PRDM16: variants seen among roughly 807,000 people sequenced by gnomAD.
PRDM16 encodes the protein PR/SET domain 16.
Under a neutral mutation model 110.6 loss-of-function variants are expected in PRDM16, and 23 were observed. That is an observed-to-expected ratio of 0.21 (90% confidence interval 0.15 to 0.29). PRDM16 has a LOEUF of 0.29. Ranked by LOEUF, PRDM16 falls within the 10% of genes least tolerant of loss-of-function variation. The pLI, the probability that PRDM16 is intolerant of heterozygous loss-of-function variation, is 1.00. For missense variants in PRDM16, 1,615 were observed against 1,794.3 expected (o/e 0.90, Z 1.81); for synonymous variants, 799 against 781.8 (o/e 1.02, Z -0.37).
rs1024895885 is a variant in PRDM16 at position 3,080,123 on chromosome 1, C to G, written c.37+10827C>G. Among the ~76,000 whole-genome samples, 7 of 152,194 alleles carry G rather than the reference C, an allele frequency of 4.6e-5. No homozygotes were observed. Among genetic ancestry groups the G allele is most frequent in the Non-Finnish European group, 8.8e-5 (6 of 68,042 alleles). On this transcript the variant is annotated intron_variant, in intron 1 of 16. Coordinates refer to ENST00000270722, the MANE Select transcript of PRDM16 (RefSeq NM_022114.4). This position sits in a 1 kb window ranked among gnomAD's most constrained non-coding sequence, Gnocchi z 5.2. ...CCCCTGAGAAGAAACAAAGAGGAAACGAGGCTGTTTAGATAATCCCGGGCC... is the reference window on the plus strand; with the variant it reads ...CCCCTGAGAAGAAACAAAGAGGAAAGGAGGCTGTTTAGATAATCCCGGGCC...
chr1:3,395,004 C>G (rs1366807246), intron 4 of PRDM16, among the ~76,000 whole-genome samples: 1 of 152,230 alleles, frequency 6.6e-6, no homozygotes, highest in African/African-American at 2.4e-5. Flanking sequence ...TCACACACTA[C>G]TGACAGAGGC....
chr1:3,094,722 C>A (rs2981874), intron 1 of PRDM16, among the ~76,000 whole-genome samples: 1 of 152,096 alleles, frequency 6.6e-6, no homozygotes, highest in Admixed American at 6.5e-5. Flanking sequence ...GCCCAGCAAG[C>A]AGTGTCAGTG....
rs775922979 is a variant in PRDM16 at position 3,186,447 on chromosome 1, G to C, written c.360G>C (p.Ala120=). 1.9e-6 allele frequency: 3 copies of C among 1,548,274 alleles called. No homozygotes were observed. Among genetic ancestry groups the C allele is most frequent in the Non-Finnish European group, 2.6e-6 (3 of 1,148,786 alleles). The stretch of plus-strand genomic sequence containing the variant: ...CCTGCGTGGTGGTGCCCCGGGCGGC[G>C]GCAAAGGAGACAGACTTCGGATGGG... ...LGPCVVVPRA[A]AKETDFGWEQ... The change falls in exon 2 of 17, where the codon GCG becomes GCC. Residue 120 remains alanine, a synonymous_variant. Transcript: ENST00000270722.
chr1:3,116,827 T>G (rs978570378), intron 1 of PRDM16, among the ~76,000 whole-genome samples: 2 of 152,170 alleles, frequency 1.3e-5, no homozygotes, highest in African/African-American at 4.8e-5. Context: ...GGCTTGGAGC[T>G]CCGTGTGCCC....
chr1:3,323,128 G>A (rs893015144), intron 3 of PRDM16, among the ~76,000 whole-genome samples: 11 of 152,184 alleles, frequency 7.2e-5, no homozygotes, highest in African/African-American at 2.2e-4. Flanking sequence ...GAAGCCATAC[G>A]CTATTGTCAC....
At chr1:3,156,241 CTCCCG>C (rs1336776985) in intron 1 of PRDM16, among the ~76,000 whole-genome samples, 1 of 152,178 alleles carries the variant, frequency 6.6e-6, no homozygotes, top group Non-Finnish European at 1.5e-5. Flanking sequence ...GTCTGCAGGG[CTCCCG>C]GGCAGCAGGA....
At chr1:3,161,449 C>T (rs1006439677) in intron 1 of PRDM16, among the ~76,000 whole-genome samples, 3 of 152,114 alleles carry the variant, frequency 2.0e-5, no homozygotes, top group Non-Finnish European at 4.4e-5. Flanking sequence ...CGGGCAATGG[C>T]GTGAGGAGAT....
chr1:3,332,225 G>T (rs1442218528), intron 3 of PRDM16, among the ~76,000 whole-genome samples: 2 of 152,284 alleles, frequency 1.3e-5, no homozygotes, highest in African/African-American at 4.8e-5. Context: ...AAGTGGTAAT[G>T]AGATTCTGCC....
intron 1 of PRDM16, among the ~76,000 whole-genome samples, chr1:3,158,159 C>G (rs541497670): frequency 1.3e-5 from 2 of 152,162 alleles, no homozygotes; most frequent in Non-Finnish European, 1.5e-5. Context: ...CAAACACACC[C>G]GCTTGCCACC....
At chr1:3,263,909 C>T (rs961645821) in intron 3 of PRDM16, among the ~76,000 whole-genome samples, 17 of 152,176 alleles carry the variant, frequency 1.1e-4, no homozygotes, top group Non-Finnish European at 1.6e-4. Flanking sequence ...CTTCAGTCGA[C>T]GCCTCTTGGA....
intron 3 of PRDM16, among the ~76,000 whole-genome samples, chr1:3,278,352 A>G (rs16823763): frequency 0.057 from 8,618 of 152,246 alleles, 461 homozygotes; most frequent in East Asian, 0.19. Flanking sequence ...ACCTAGGCCT[A>G]ATACTGTCTG....
intron 8 of PRDM16, among the ~76,000 whole-genome samples, chr1:3,409,826 T>TTGTGG (rs1643643968): frequency 7.3e-6 from 1 of 136,842 alleles, no homozygotes; most frequent in African/African-American, 2.8e-5. Flanking sequence ...TGTGTGTGGT[T>TTGTGG]GTGTGTGGGT....
chr1:3,278,995 G>GTGTCTGTCATCGTCAGCCC (rs1640651587), intron 3 of PRDM16, among the ~76,000 whole-genome samples: 1 of 152,100 alleles, frequency 6.6e-6, no homozygotes, highest in Non-Finnish European at 1.5e-5. Flanking sequence ...CGTGTGCTCC[G>GTGTCTGTCATCGTCAGCCC]TGTCTGTCAT....
chr1:3,376,722 C>G (rs981085246), intron 3 of PRDM16, among the ~76,000 whole-genome samples: 1 of 152,128 alleles, frequency 6.6e-6, no homozygotes, highest in Non-Finnish European at 1.5e-5. Flanking sequence ...TCTCTCTCCC[C>G]TCACTCTTCC....
At chr1:3,121,628 C>G (rs894877206) in intron 1 of PRDM16, among the ~76,000 whole-genome samples, 4 of 152,220 alleles carry the variant, frequency 2.6e-5, no homozygotes, top group Non-Finnish European at 4.4e-5. Context: ...TTCCGAATGC[C>G]GAGAAACAGA....
In PRDM16 at chr1:3,186,258, C is replaced by T. The variant is rs369648897; in HGVS notation, c.171C>T (p.Ser57=). 72 of 1,612,122 alleles carry T rather than the reference C, an allele frequency of 4.5e-5. No individual in the cohort carries two copies. Among genetic ancestry groups the T allele is most frequent in the South Asian group, 3.3e-4 (30 of 90,996 alleles). ...GGCCACCGTCCCCCTTCCCCACCAGCGAGGACTTCACCCCCAAGGAGGGCT... is the reference window on the plus strand; with the variant it reads ...GGCCACCGTCCCCCTTCCCCACCAGTGAGGACTTCACCCCCAAGGAGGGCT... The part of the protein sequence containing the change: ...PVGPPSPFPT[S]EDFTPKEGSP... Residue 57 remains serine, a synonymous_variant, in exon 2 of 17, where the codon AGC becomes AGT. Coordinates refer to ENST00000270722, the MANE Select transcript of PRDM16 (RefSeq NM_022114.4).
chr1:3,242,819 C>G (rs1455714988), intron 2 of PRDM16, among the ~76,000 whole-genome samples: 1 of 152,188 alleles, frequency 6.6e-6, no homozygotes, highest in Non-Finnish European at 1.5e-5. Flanking sequence ...GCATCATTTT[C>G]TCGTTTTATT....
chr1:3,147,107 C>A (rs778398189), intron 1 of PRDM16, among the ~76,000 whole-genome samples: 1 of 130,008 alleles, frequency 7.7e-6, no homozygotes, highest in African/African-American at 3.1e-5. Flanking sequence ...GGTGTGTGTA[C>A]GCGTGTGCTC....
chr1:3,171,067 C>G (rs1162409540), intron 1 of PRDM16, among the ~76,000 whole-genome samples: 2 of 152,164 alleles, frequency 1.3e-5, no homozygotes, highest in Admixed American at 1.3e-4. Context: ...ACCCCGCACC[C>G]CTCAGCGCCC....
Sources: allele counts gnomAD v4.1 joint callset (sites outside exome capture counted in the v4.1 genomes callset), GRCh38; gene constraint gnomAD v4.1.1; non-coding constraint Gnocchi (gnomAD v3.1); transcripts MANE v1.5; gene names NCBI Gene and HGNC (gene_info 2026-07-23, HGNC 2026-07-21).